Variants in ANKS3 observed in about 807,000 individuals in gnomAD.
The protein encoded by ANKS3 is ankyrin repeat and sterile alpha motif domain containing 3.
A neutral mutation model predicts 80.7 loss-of-function variants in ANKS3; 62 were observed. The ratio of observed to expected loss-of-function variants is 0.77; its 90% CI spans 0.63 to 0.95. ANKS3 has a LOEUF of 0.95. ANKS3 is among the 40% of genes least tolerant of loss of function. The pLI, the probability that ANKS3 is intolerant of heterozygous loss-of-function variation, is 0.00. For synonymous variants in ANKS3, 489 were observed against 355.3 expected (o/e 1.38, Z -4.23); for missense variants, 1,150 against 883.6 (o/e 1.30, Z -3.82).
intron 9 of ANKS3, 69 bp from the exon 10 acceptor site, chr16:4,701,612 G>A (rs2079910280): frequency 2.9e-6 from 4 of 1,397,318 alleles, no homozygotes; most frequent in Non-Finnish European, 3.9e-6. Context: ...CGTGCCCCGG[G>A]CTGAGCCGCC....
At chr16:4,701,804 C>A in intron 9 of ANKS3, 2 of 502,944 alleles carry the variant, frequency 4.0e-6, no homozygotes, top group Non-Finnish European at 7.0e-6. Context: ...ACAGCTGCTG[C>A]ACGGAGGTGC....
intron 6 of ANKS3, among the ~76,000 whole-genome samples, chr16:4,717,251 T>C (rs913003745): frequency 6.8e-5 from 10 of 147,340 alleles, no homozygotes; most frequent in African/African-American, 2.0e-4. Flanking sequence ...ATCTCAAAAA[T>C]AAAAAATAAT....
At chr16:4,721,584 C>T (rs2081097218) in intron 6 of ANKS3, among the ~76,000 whole-genome samples, 1 of 151,134 alleles carries the variant, frequency 6.6e-6, no homozygotes. Flanking sequence ...CCACTCCAGC[C>T]TGAGGGACAG....
chr16:4,731,584 A>C lies in ANKS3; in HGVS notation c.-70-5T>G, dbSNP rs953287559. ...GCGTGAGCCACTGCACCTGGCCTGTAAATTTTAAATATAAATTAATTTTTC... is the reference window on the plus strand; with the variant it reads ...GCGTGAGCCACTGCACCTGGCCTGTCAATTTTAAATATAAATTAATTTTTC... On this transcript the variant is annotated splice_region_variant and splice_polypyrimidine_tract_variant and intron_variant, in intron 1 of 17. Transcript: ENST00000304283. 4.4e-6 allele frequency: 4 copies of C among 916,884 alleles called. No homozygotes were observed. The highest frequency in any genetic ancestry group is 1.8e-5 in the African/African-American group (1 of 55,918). The allele number at this position is 916,884 out of a possible 1,614,324, so 56.8% of individuals were successfully genotyped here. A position where few individuals can be genotyped will look rare whatever the true frequency, so the allele number is the denominator to read the frequency against.
intron 7 of ANKS3, among the ~76,000 whole-genome samples, chr16:4,710,497 C>A (rs1298929035): frequency 6.6e-6 from 1 of 152,136 alleles, no homozygotes; most frequent in Admixed American, 6.5e-5. Context: ...TGCTTGAGCT[C>A]AGGACTCTTG....
intron 3 of ANKS3, 123 bp from the exon 4 acceptor site, chr16:4,727,300 T>C (rs2081404737): frequency 1.0e-6 from 1 of 965,358 alleles, no homozygotes. Flanking sequence ...TCTGCCACCC[T>C]GGACGTTGTG....
intron 3 of ANKS3, 177 bp downstream of exon 3, chr16:4,729,803 A>G: frequency 1.8e-6 from 1 of 549,308 alleles, no homozygotes; most frequent in East Asian, 3.1e-5. Flanking sequence ...AGGAATAAAA[A>G]CGGCCTCTTT....
chr16:4,712,488 A>G (rs1485840198), intron 7 of ANKS3, among the ~76,000 whole-genome samples: 2 of 152,154 alleles, frequency 1.3e-5, no homozygotes, highest in Non-Finnish European at 2.9e-5. Flanking sequence ...ACACATTAAA[A>G]TAGTACAACA....
rs150227397 is a variant in ANKS3 at position 4,698,848 on chromosome 16, G to A, written c.1503C>T (p.Ala501=). The part of the protein sequence containing the change: ...PPGDALELAY[A]DRLEAEMQEL... ...CCTGCATCTCAGCCTCCAGCCGGTC[G>A]GCGTAGGCCAGCTCCAGGGCATCCC... The change falls in exon 13 of 18, where the codon GCC becomes GCT. Residue 501 remains alanine (A), a synonymous_variant. Coordinates refer to ENST00000304283, the MANE Select transcript of ANKS3 (RefSeq NM_133450.4). The A allele has an allele frequency of 1.1e-4, 172 of 1,606,310 alleles. No homozygotes were observed. In the African/African-American group the frequency reaches 2.0e-3, roughly 18 times the overall value.
Position 4,696,640 on chromosome 16 carries a change from G to C in ANKS3, c.*268C>G, listed in dbSNP as rs892963888. 6 of 268,458 alleles carry C rather than the reference G, an allele frequency of 2.2e-5. No homozygotes were observed. Among genetic ancestry groups the C allele is most frequent in the Non-Finnish European group, 3.6e-5 (5 of 139,884 alleles). 16.6% of individuals were successfully genotyped at this position (268,458 alleles called of 1,614,324 possible). On this transcript the variant is annotated 3_prime_UTR_variant, in exon 18 of 18. Transcript: ENST00000304283. ...ACACTTTCCCCCCAGGGCCCTGCCT[G>C]GTATGGGCCAGGGCAGCCCATGAAC...
intron 6 of ANKS3, among the ~76,000 whole-genome samples, chr16:4,724,065 A>T (rs534681737): frequency 1.3e-5 from 2 of 152,324 alleles, no homozygotes; most frequent in African/African-American, 4.8e-5. Context: ...GTCTCAAAAA[A>T]ATAAATTAAT....
intron 5 of ANKS3, 55 bp downstream of exon 5, chr16:4,726,604 T>TA: frequency 1.3e-6 from 2 of 1,582,294 alleles, no homozygotes; most frequent in Admixed American, 3.4e-5. Flanking sequence ...CCACCCTCCT[T>TA]AGAGTCAGAT....
At chr16:4,731,717 C>T in intron 1 of ANKS3, 138 bp from the exon 2 acceptor site, 1 of 272,642 alleles carries the variant, frequency 3.7e-6, no homozygotes, top group Non-Finnish European at 5.6e-6. Context: ...TGGTGGCACG[C>T]AGCAACCGTC....
At position 4,712,564 on chromosome 16, in the gene ANKS3, A is replaced by G. The variant is rs564200550; in HGVS notation, c.709+1487T>C. Among the ~76,000 whole-genome samples the G allele has an allele frequency of 1.7e-4, 26 of 152,296 alleles. No individual in the cohort carries two copies. The East Asian group carries it at 5.0e-3, about 29-fold the overall frequency. The stretch of plus-strand genomic sequence containing the variant: ...AGGAGGTTCATGAAGACAATCTACC[A>G]TATGAAAATTCACCATCGTCTCCAA... On this transcript the variant is annotated intron_variant, in intron 7 of 17. Coordinates refer to ENST00000304283, the MANE Select transcript of ANKS3 (RefSeq NM_133450.4).
At chr16:4,709,413 A>G (rs923435930) in intron 7 of ANKS3, among the ~76,000 whole-genome samples, 1 of 152,002 alleles carries the variant, frequency 6.6e-6, no homozygotes, top group Admixed American at 6.6e-5. Context: ...TCTCAAAAAA[A>G]AAAAAAAATT....
chr16:4,734,210 C>G lies in ANKS3; in HGVS notation c.-343G>C, dbSNP rs555025504. The stretch of plus-strand genomic sequence containing the variant: ...CTCGGGCTGCCGTCGCCAACCCCCC[C>G]CAAACAGCTCGCCGCCACGCTCCCT... On this transcript the variant is annotated 5_prime_UTR_variant, in exon 1 of 18. Transcript: ENST00000304283. 6.1e-5 allele frequency: 11 copies of G among 179,198 alleles called. No individual in the cohort carries two copies. The highest frequency in any genetic ancestry group is 7.6e-5 in the Non-Finnish European group (7 of 92,578). The allele number at this position is 179,198 out of a possible 1,614,324, so 11.1% of individuals were successfully genotyped here.
At chr16:4,701,642 G>C (rs1293328359) in intron 9 of ANKS3, 99 bp from the exon 10 acceptor site, 1 of 1,023,034 alleles carries the variant, frequency 9.8e-7, no homozygotes, top group Non-Finnish European at 1.4e-6. Flanking sequence ...GCACTCCTTG[G>C]GGCCTGCAGC....
chr16:4,698,607 G>T lies in ANKS3; in HGVS notation c.1552-8C>A. The T allele has an allele frequency of 6.5e-7, 1 of 1,549,038 alleles. No individual in the cohort carries two copies. The highest frequency in any genetic ancestry group is 1.2e-5 in the South Asian group (1 of 83,756). On this transcript the variant is annotated splice_polypyrimidine_tract_variant and splice_region_variant and intron_variant, in intron 13 of 17. Coordinates refer to ENST00000304283, the MANE Select transcript of ANKS3 (RefSeq NM_133450.4). Reference sequence around the variant, plus strand: ...CTCTACCTCCTCGCAGCGCTGCAGGGGGGTGGGGGGCGCGGGGAGGCTGGG... The same window carrying T: ...CTCTACCTCCTCGCAGCGCTGCAGGTGGGTGGGGGGCGCGGGGAGGCTGGG...
chr16:4,708,853 C>T (rs2080338256), intron 7 of ANKS3, among the ~76,000 whole-genome samples: 1 of 151,666 alleles, frequency 6.6e-6, no homozygotes, highest in Non-Finnish European at 1.5e-5. Flanking sequence ...GCAGGAGAAT[C>T]GCTTGAACCT....
Sources: gnomAD v4.1 joint callset for allele counts (sites outside exome capture counted in the v4.1 genomes callset) on GRCh38, gnomAD v4.1.1 for gene constraint, MANE v1.5 for transcripts, NCBI Gene and HGNC (gene_info 2026-07-23, HGNC 2026-07-21) for gene names.